The following SLA variants were observed in gnomAD, a reference collection of about 807,000 sequenced individuals.
SLA encodes src-like-adapter.
Under a neutral mutation model 30.3 loss-of-function variants are expected in SLA, and 16 were observed. The ratio of observed to expected loss-of-function variants is 0.53; its 90% CI spans 0.36 to 0.80. The LOEUF (loss-of-function observed/expected upper bound fraction) is 0.80. Among genes scored for constraint, SLA ranks in the 30% least tolerant of loss-of-function variants. SLA has a pLI of 0.01. For missense variants in SLA, 310 were observed against 345.2 expected, an observed-to-expected ratio of 0.90 and a Z score of 0.81; for synonymous variants, 143 against 137.8, an observed-to-expected ratio of 1.04 and a Z score of -0.26.
intron 1 of SLA, among the ~76,000 whole-genome samples, chr8:133,082,556 G>A (rs893909904): frequency 9.2e-5 from 14 of 152,158 alleles, no homozygotes; most frequent in Non-Finnish European, 2.1e-4. Flanking sequence ...TGTGGGCACC[G>A]GGAAAGTGGA....
chr8:133,090,095 C>T (rs1163518838), intron 1 of SLA: 1 of 152,338 alleles, frequency 6.6e-6, no homozygotes, highest in East Asian at 1.9e-4. Context: ...GAGACTTATG[C>T]TTCTTTGTGA....
chr8:133,091,723 T>C (rs1379023683), intron 1 of SLA, among the ~76,000 whole-genome samples: 1 of 152,052 alleles, frequency 6.6e-6, no homozygotes, highest in Non-Finnish European at 1.5e-5. Context: ...TATGTGAGTG[T>C]GTGTCTATGT....
intron 1 of SLA, chr8:133,095,354 G>A: frequency 1.8e-6 from 2 of 1,138,880 alleles, no homozygotes; most frequent in Non-Finnish European, 2.6e-6. Flanking sequence ...ACATTCCCTA[G>A]CCCCTAGAGC....
chr8:133,060,034 G>T, intron 3 of SLA, 66 bp downstream of exon 3: 1 of 1,478,186 alleles, frequency 6.8e-7, no homozygotes, highest in South Asian at 1.4e-5. Context: ...ATCCACCACC[G>T]CCCAGTCTTT....
chr8:133,051,394 A>T (rs1840376584), intron 3 of SLA, among the ~76,000 whole-genome samples: 1 of 152,190 alleles, frequency 6.6e-6, no homozygotes, highest in Admixed American at 6.5e-5. Context: ...TGGGACTCAG[A>T]GTTGTTATAT....
intron 1 of SLA, among the ~76,000 whole-genome samples, chr8:133,076,345 CT>C (rs1018024706): frequency 1.3e-5 from 2 of 152,238 alleles, no homozygotes; most frequent in Admixed American, 1.3e-4. Flanking sequence ...GGAAACCTCA[CT>C]TGGGGTAGTT....
At chr8:133,094,426 G>C (rs954060550) in intron 1 of SLA, among the ~76,000 whole-genome samples, 3 of 151,878 alleles carry the variant, frequency 2.0e-5, no homozygotes, top group African/African-American at 4.8e-5. Context: ...ATTTTTAGTA[G>C]AGATGGGGTT....
At chr8:133,093,119 GTTTTC>G (rs1171984030) in intron 1 of SLA, among the ~76,000 whole-genome samples, 8 of 139,762 alleles carry the variant, frequency 5.7e-5, no homozygotes, top group Admixed American at 3.6e-4. Flanking sequence ...GTGTGTGTGT[GTTTTC>G]TTTTCTTTTC....
At chr8:133,055,851 GCAGCAGCAGCAGCAGCAGC>G (rs1841350540) in intron 3 of SLA, among the ~76,000 whole-genome samples, 1 of 107,008 alleles carries the variant, frequency 9.3e-6, no homozygotes, top group Non-Finnish European at 2.1e-5. Flanking sequence ...AGCAGCAGCA[GCAGCAGCAGCAGCAGCAGC>G]AGGGCGCACA....
intron 1 of SLA, among the ~76,000 whole-genome samples, chr8:133,087,071 T>TACACACACACACAC (rs56028043): frequency 1.1e-4 from 16 of 143,046 alleles, no homozygotes; most frequent in African/African-American, 3.9e-4. Context: ...AATATATGTT[T>TACACACACACACAC]ACACACACAC....
At chr8:133,093,396 G>A (rs563112596) in intron 1 of SLA, among the ~76,000 whole-genome samples, 40 of 152,264 alleles carry the variant, frequency 2.6e-4, no homozygotes, top group Admixed American at 1.3e-3. Context: ...TGAGCCACTG[G>A]CTGGAGATCA....
chr8:133,038,646 G>A lies in SLA; in HGVS notation c.709C>T (p.Leu237=). The stretch of plus-strand genomic sequence containing the variant: ...GTGTTGTCCTCACTGGTCAGGGACA[G>A]GTAAGAGGCAATGCTCTCTCGAAGG... ...YGLRESIASY[L]SLTSEDNTSF... is the part of the protein sequence containing the mutation. The change falls in exon 9 of 9, where the codon CTG becomes TTG. Residue 237 remains leucine, a synonymous_variant. Coordinates refer to ENST00000338087, the MANE Select transcript of SLA (RefSeq NM_001045556.3). 1 of 1,613,570 alleles carries A rather than the reference G, an allele frequency of 6.2e-7. No individual in the cohort carries two copies. The highest frequency in any genetic ancestry group is 8.5e-7 in the Non-Finnish European group (1 of 1,179,500).
intron 2 of SLA, among the ~76,000 whole-genome samples, chr8:133,070,473 A>G (rs1238509113): frequency 6.6e-6 from 1 of 152,244 alleles, no homozygotes; most frequent in East Asian, 1.9e-4. Flanking sequence ...GATGCCCCCA[A>G]GAACATACTG....
chr8:133,100,900 C>T (rs1849143947), intron 1 of SLA, among the ~76,000 whole-genome samples: 1 of 152,178 alleles, frequency 6.6e-6, no homozygotes, highest in Admixed American at 6.5e-5. Context: ...CATGCTCTTA[C>T]TTTACGTTAT....
At position 133,070,029 on chromosome 8, in the gene SLA, A is replaced by AAAAAAAAAAAAAAAAAAC. The variant is rs376711807; in HGVS notation, c.-41+4823_-41+4824insGTTTTTTTTTTTTTTTTT. Among the ~76,000 whole-genome samples the AAAAAAAAAAAAAAAAAAC allele has an allele frequency of 8.2e-5, 9 of 109,806 alleles. 2 individuals are homozygous for AAAAAAAAAAAAAAAAAAC. Among genetic ancestry groups the AAAAAAAAAAAAAAAAAAC allele is most frequent in the African/African-American group, 3.5e-4 (9 of 25,784 alleles). 72.0% of individuals were successfully genotyped at this position (109,806 alleles called of 152,430 possible). A position where few individuals can be genotyped will look rare whatever the true frequency, so the allele number is the denominator to read the frequency against. On this transcript the variant is annotated intron_variant, in intron 2 of 8. Coordinates refer to ENST00000338087, the MANE Select transcript of SLA (RefSeq NM_001045556.3). ...AAAAAAAAAAAAAAAAAAAAAAAGA[A>AAAAAAAAAAAAAAAAAAC]AGAAAGAAAGAAAAGAAAAGAAGAA... is the stretch of plus-strand genomic sequence containing the variant.
intron 1 of SLA, among the ~76,000 whole-genome samples, chr8:133,089,613 T>G (rs978138886): frequency 1.3e-5 from 2 of 152,196 alleles, no homozygotes; most frequent in Admixed American, 1.3e-4. Flanking sequence ...TCTATGGAAA[T>G]TCTTCTCTTC....
intron 1 of SLA, among the ~76,000 whole-genome samples, chr8:133,086,464 G>A (rs761060494): frequency 2.2e-4 from 34 of 151,852 alleles, no homozygotes; most frequent in South Asian, 4.2e-4. Context: ...TCTTTAATAC[G>A]GATGTTCATG....
chr8:133,102,464 G>T, intron 1 of SLA, 89 bp downstream of exon 1: 1 of 1,169,550 alleles, frequency 8.6e-7, no homozygotes, highest in Non-Finnish European at 1.2e-6. Flanking sequence ...GATCCATCAA[G>T]TCCCTCTGAA....
intron 2 of SLA, chr8:133,073,271 T>C (rs1233634487): frequency 6.6e-6 from 1 of 152,130 alleles, no homozygotes; most frequent in Non-Finnish European, 1.5e-5. Context: ...GATGAAGGAA[T>C]CTAATTAGAT....
Sources: allele counts gnomAD v4.1 joint callset (sites outside exome capture counted in the v4.1 genomes callset), GRCh38; gene constraint gnomAD v4.1.1; transcripts MANE v1.5; gene names NCBI Gene and HGNC (gene_info 2026-07-23, HGNC 2026-07-21).